TIMM17A: variants seen among roughly 807,000 people sequenced by gnomAD.
TIMM17A encodes the protein translocase of inner mitochondrial membrane 17A.
Under a neutral mutation model 26.5 loss-of-function variants are expected in TIMM17A, and 15 were observed. The observed-to-expected ratio is 0.57, with a 90% CI of 0.38 to 0.87. The LOEUF (loss-of-function observed/expected upper bound fraction) is 0.87. TIMM17A is among the 40% of genes least tolerant of loss of function. The pLI is 0.00. For missense variants in TIMM17A, 201 were observed against 210.0 expected, an observed-to-expected ratio of 0.96 and a Z score of 0.27; for synonymous variants, 80 against 70.8, an observed-to-expected ratio of 1.13 and a Z score of -0.66.
Position 201,964,635 on chromosome 1 carries a change from C to CTTTTTTTTTTTTTTTT in TIMM17A, c.320-782_320-767dup, listed in dbSNP as rs570309464. ...TTTATTTATTTATTTTATTTTATTT[C>CTTTTTTTTTTTTTTTT]TTTTTTTTTTTTTTTTTTTTTTTTT... On this transcript the variant is annotated intron_variant, in intron 4 of 5. Transcript: ENST00000367287. 6.6e-5 allele frequency among the ~76,000 whole-genome samples: 6 copies of CTTTTTTTTTTTTTTTT among 90,960 alleles called. 2 individuals are homozygous for CTTTTTTTTTTTTTTTT. The highest frequency in any genetic ancestry group is 1.5e-4 in the African/African-American group (3 of 19,470). 59.7% of individuals were successfully genotyped at this position (90,960 alleles called of 152,430 possible).
At chr1:201,962,269 T>C (rs183799754) in intron 3 of TIMM17A, 1 of 152,348 alleles carries the variant, frequency 6.6e-6, no homozygotes, top group African/African-American at 2.4e-5. Context: ...TGTTTTTACA[T>C]AGGATGTGAT....
At chr1:201,961,790 A>G (rs536851122) in intron 3 of TIMM17A, among the ~76,000 whole-genome samples, 18 of 152,190 alleles carry the variant, frequency 1.2e-4, no homozygotes, top group Admixed American at 4.6e-4. Context: ...TCGTATTTCC[A>G]GTTCATCCCA....
Position 201,967,552 on chromosome 1 carries a change from T to TTATTTATTTATTTA in TIMM17A, c.431-1916_431-1915insATTTATTTATTTAT, listed in dbSNP as rs1169168627. Among the ~76,000 whole-genome samples the TTATTTATTTATTTA allele has an allele frequency of 2.0e-5, 3 of 151,406 alleles. No homozygotes were observed. The East Asian group carries it at 5.8e-4, about 29-fold the overall frequency. ...TTATTTTATTTATTTATTTATTTAT[T>TTATTTATTTATTTA]TTAATTTTTTTTGAAACAGAATCTC... On this transcript the variant is annotated intron_variant, in intron 5 of 5. Transcript: ENST00000367287.
rs984667583 is a variant in TIMM17A at position 201,970,264 on chromosome 1, G to A, written c.*710G>A. The A allele has an allele frequency of 8.5e-5, 13 of 152,186 alleles. No individual in the cohort carries two copies. The highest frequency in any genetic ancestry group is 2.9e-4 in the African/African-American group (12 of 41,448). 9.4% of individuals were successfully genotyped at this position (152,186 alleles called of 1,614,324 possible). A position where few individuals can be genotyped will look rare whatever the true frequency, so the allele number is the denominator to read the frequency against. ...GCTTCCAATATACCCAATTCTATAT[G>A]AAGAATTCATGGAGAGTGTACTGGC... On this transcript the variant is annotated 3_prime_UTR_variant, in exon 6 of 6. Coordinates refer to ENST00000367287, the MANE Select transcript of TIMM17A (RefSeq NM_006335.3).
intron 4 of TIMM17A, among the ~76,000 whole-genome samples, chr1:201,964,044 C>A (rs1457294721): frequency 2.0e-5 from 3 of 152,052 alleles, no homozygotes; most frequent in Non-Finnish European, 2.9e-5. Flanking sequence ...ACTTGAGCCA[C>A]CGCACTCTCA....
At chr1:201,963,963 A>AT (rs1682578676) in intron 4 of TIMM17A, among the ~76,000 whole-genome samples, 2 of 152,096 alleles carry the variant, frequency 1.3e-5, no homozygotes, top group Non-Finnish European at 2.9e-5. Context: ...CAAAAAAAAA[A>AT]ATTTAATTAG....
intron 5 of TIMM17A, among the ~76,000 whole-genome samples, chr1:201,966,241 A>G (rs1429993882): frequency 6.6e-6 from 1 of 152,118 alleles, no homozygotes; most frequent in Non-Finnish European, 1.5e-5. Flanking sequence ...AATGGCTCAC[A>G]CCTATAGTCC....
chr1:201,968,382 GT>G (rs749825451), intron 5 of TIMM17A, among the ~76,000 whole-genome samples: 31 of 151,212 alleles, frequency 2.1e-4, no homozygotes, highest in South Asian at 1.0e-3. Flanking sequence ...TTTTTTTGGG[GT>G]TTTTTTGTTT....
At chr1:201,966,515 A>G (rs1420786078) in intron 5 of TIMM17A, among the ~76,000 whole-genome samples, 3 of 151,310 alleles carry the variant, frequency 2.0e-5, no homozygotes, top group African/African-American at 7.3e-5. Context: ...TGTCTAAATG[A>G]AAATATCCCT....
Position 201,957,339 on chromosome 1 carries a change from G to A in TIMM17A, c.85G>A (p.Gly29Ser). 6.2e-7 allele frequency: 1 copy of A among 1,613,972 alleles called. No individual in the cohort carries two copies. The highest frequency in any genetic ancestry group is 8.5e-7 in the Non-Finnish European group (1 of 1,179,948). Residue 29 changes from glycine to serine, a missense_variant, in exon 2 of 6, where the codon GGT becomes AGT. Transcript: ENST00000367287. ...GAFTMGTIGG[G>S]IFQAIKGFRN... ...CTTTACGATGGGTACCATTGGTGGT[G>A]GTATCTTTCAAGCAATCAAAGGTTT... is the stretch of plus-strand genomic sequence containing the variant.
At position 201,957,336 on chromosome 1, in the gene TIMM17A, G is replaced by A. The variant is rs752043591; in HGVS notation, c.82G>A (p.Gly28Ser). The A allele has an allele frequency of 6.8e-6, 11 of 1,613,988 alleles. No individual in the cohort carries two copies. In the South Asian group the frequency reaches 8.8e-5, roughly 13 times the overall value. The change falls in exon 2 of 6, where the codon GGT becomes AGT. Residue 28 changes from glycine to serine, a missense_variant. Transcript: ENST00000367287. ...GGCCTTTACGATGGGTACCATTGGTGGTGGTATCTTTCAAGCAATCAAAGG... is the reference window on the plus strand; with the variant it reads ...GGCCTTTACGATGGGTACCATTGGTAGTGGTATCTTTCAAGCAATCAAAGG... ...GGAFTMGTIG[G>S]GIFQAIKGFR...
chr1:201,966,992 T>TATGTGTGC (rs1682644088), intron 5 of TIMM17A, among the ~76,000 whole-genome samples: 2 of 14,306 alleles, frequency 1.4e-4, no homozygotes, highest in Admixed American at 1.9e-3. Context: ...TTATATATGT[T>TATGTGTGC]GTGTGTGTGT....
At chr1:201,959,935 A>T (rs1682493189) in intron 3 of TIMM17A, among the ~76,000 whole-genome samples, 1 of 151,714 alleles carries the variant, frequency 6.6e-6, no homozygotes, top group Non-Finnish European at 1.5e-5. Context: ...GGGAGGCGGA[A>T]CTTGGCAGTG....
rs570309464 is a variant in TIMM17A, at chr1:201,964,635, C to CTTTTTTTTTTTTTTTTTTTTTTTTTTTT, written c.320-794_320-767dup. On this transcript the variant is annotated intron_variant, in intron 4 of 5. Coordinates refer to ENST00000367287, the MANE Select transcript of TIMM17A (RefSeq NM_006335.3). ...TTTATTTATTTATTTTATTTTATTT[C>CTTTTTTTTTTTTTTTTTTTTTTTTTTTT]TTTTTTTTTTTTTTTTTTTTTTTTT... 8.8e-5 allele frequency among the ~76,000 whole-genome samples: 8 copies of CTTTTTTTTTTTTTTTTTTTTTTTTTTTT among 90,952 alleles called. 1 individual carries two copies. The highest frequency in any genetic ancestry group is 1.5e-4 in the African/African-American group (3 of 19,438). The allele number at this position is 90,952 out of a possible 152,430, so 59.7% of individuals were successfully genotyped here.
At chr1:201,964,643 T>TA (rs1558251171) in intron 4 of TIMM17A, among the ~76,000 whole-genome samples, 4 of 116,144 alleles carry the variant, frequency 3.4e-5, no homozygotes, top group South Asian at 2.9e-4. Context: ...TTCTTTTTTT[T>TA]TTTTTTTTTT....
At chr1:201,966,991 T>TTATGTGTTTGTGTGTGTGTGTG (rs572223784) in intron 5 of TIMM17A, among the ~76,000 whole-genome samples, 1 of 133,100 alleles carries the variant, frequency 7.5e-6, no homozygotes, top group African/African-American at 2.8e-5. Context: ...ATTATATATG[T>TTATGTGTTTGTGTGTGTGTGTG]TGTGTGTGTG....
chr1:201,955,657 C>T, intron 1 of TIMM17A, 105 bp downstream of exon 1: 2 of 1,513,402 alleles, frequency 1.3e-6, no homozygotes, highest in Non-Finnish European at 1.8e-6. Flanking sequence ...ACCGCAGCCT[C>T]GTCGACTTGG....
rs1424133020 is a variant in TIMM17A, at chr1:201,957,524, G to C, written c.140G>C (p.Arg47Thr). 3 of 1,613,816 alleles carry C rather than the reference G, an allele frequency of 1.9e-6. No individual in the cohort carries two copies. Among genetic ancestry groups the C allele is most frequent in the Non-Finnish European group, 2.5e-6 (3 of 1,179,956 alleles). The change falls in exon 3 of 6, where the codon AGA (arginine) becomes ACA (threonine). Residue 47 changes from arginine (R) to threonine (T), a missense_variant. Coordinates refer to ENST00000367287, the MANE Select transcript of TIMM17A (RefSeq NM_006335.3). ...TTTTTGTTATAGGGAGTAAACCACA[G>C]ACTACGAGGGAGTTTGACAGCTATT... Reference protein sequence around the residue: ...FRNSPVGVNHRLRGSLTAIKT... With the variant: ...FRNSPVGVNHTLRGSLTAIKT...
At chr1:201,968,386 T>G (rs1349106394) in intron 5 of TIMM17A, among the ~76,000 whole-genome samples, 1 of 151,810 alleles carries the variant, frequency 6.6e-6, no homozygotes, top group Non-Finnish European at 1.5e-5. Flanking sequence ...TTTGGGGTTT[T>G]TTTGTTTTTG....
Sources: gnomAD v4.1 joint callset for allele counts (sites outside exome capture counted in the v4.1 genomes callset) on GRCh38, gnomAD v4.1.1 for gene constraint, MANE v1.5 for transcripts, NCBI Gene and HGNC (gene_info 2026-07-23, HGNC 2026-07-21) for gene names.